AGBL1: variants seen among roughly 807,000 people sequenced by gnomAD.
The protein encoded by AGBL1 is AGBL carboxypeptidase 1, also known as cytosolic carboxypeptidase 4.
Under a neutral mutation model 118.9 loss-of-function variants are expected in AGBL1, and 130 were observed. That is an observed-to-expected ratio of 1.09 (90% CI 0.95 to 1.26). The LOEUF (loss-of-function observed/expected upper bound fraction) is 1.26. Among genes scored for constraint, AGBL1 ranks in the 50% most tolerant of loss-of-function variants. The probability of loss-of-function intolerance (pLI) is 0.00; values close to 1 mark genes in which losing one functional copy is unlikely to be tolerated. For missense variants in AGBL1, 1,584 were observed against 1,298.1 expected, an observed-to-expected ratio of 1.22 and a Z score of -3.38; for synonymous variants, 555 against 478.9, an observed-to-expected ratio of 1.16 and a Z score of -2.08.
At position 86,478,166 on chromosome 15, in the gene AGBL1, G is replaced by A. The variant is rs1486801579; in HGVS notation, c.2556-44644G>A. On this transcript the variant is annotated intron_variant, in intron 18 of 22. Transcript: ENST00000614907. The stretch of plus-strand genomic sequence containing the variant: ...AACTGGAAGCATTCCCTTTGAAAAC[G>A]GGCACAAGACAGAGATGCCCTCTCT... Among the ~76,000 whole-genome samples, 5 of 151,930 alleles carry A rather than the reference G, an allele frequency of 3.3e-5. No homozygotes were observed. The East Asian group carries it at 5.8e-4, about 18-fold the overall frequency.
chr15:86,897,764 C>CTTTTTTTTTTTTTTTT (rs71460231), intron 22 of AGBL1, among the ~76,000 whole-genome samples: 22 of 80,656 alleles, frequency 2.7e-4, no homozygotes, highest in Non-Finnish European at 3.8e-4. Context: ...CATCTTTTAT[C>CTTTTTTTTTTTTTTTT]TTTTTTTTTT....
chr15:86,416,857 TA>T (rs1210759400), intron 18 of AGBL1, among the ~76,000 whole-genome samples: 1 of 152,218 alleles, frequency 6.6e-6, no homozygotes, highest in Non-Finnish European at 1.5e-5. Flanking sequence ...CGATGCTATG[TA>T]AAAAGTTTAC....
At chr15:86,586,860 G>A (rs917017379) in intron 21 of AGBL1, among the ~76,000 whole-genome samples, 3 of 151,980 alleles carry the variant, frequency 2.0e-5, no homozygotes, top group African/African-American at 7.3e-5. Context: ...TTAAGTTAAG[G>A]GGGGGTCTGT....
At chr15:86,361,342 T>G (rs117488884) in intron 17 of AGBL1, among the ~76,000 whole-genome samples, 6 of 152,086 alleles carry the variant, frequency 3.9e-5, no homozygotes, top group Non-Finnish European at 7.4e-5. Flanking sequence ...TTGAATTTGT[T>G]AAGAATTGTT....
At chr15:86,984,363 CTT>C (rs869123922) in intron 23 of AGBL1, among the ~76,000 whole-genome samples, 20 of 23,334 alleles carry the variant, frequency 8.6e-4, no homozygotes, top group African/African-American at 1.6e-3. Flanking sequence ...TTTTTTCTCT[CTT>C]TTTTTTTTTT....
At chr15:86,577,693 C>T (rs925973628) in intron 21 of AGBL1, among the ~76,000 whole-genome samples, 25 of 152,104 alleles carry the variant, frequency 1.6e-4, no homozygotes, top group African/African-American at 3.9e-4. Flanking sequence ...TAGCTATGGA[C>T]GTGGTGCCCT....
At chr15:86,548,994 A>G (rs2083627439) in intron 20 of AGBL1, among the ~76,000 whole-genome samples, 1 of 151,934 alleles carries the variant, frequency 6.6e-6, no homozygotes, top group African/African-American at 2.4e-5. Flanking sequence ...GGTGTCACAC[A>G]CTTTTAAACT....
At chr15:86,255,741 C>T (rs1227185110) in intron 7 of AGBL1, among the ~76,000 whole-genome samples, 1 of 152,032 alleles carries the variant, frequency 6.6e-6, no homozygotes, top group Non-Finnish European at 1.5e-5. Flanking sequence ...GAGATCGTGC[C>T]ACTGCACTCT....
intron 5 of AGBL1, among the ~76,000 whole-genome samples, chr15:86,178,504 TTGAGAGACATAACTATCAAAGC>T (rs1382435294): frequency 1.3e-5 from 2 of 152,322 alleles, no homozygotes; most frequent in East Asian, 3.9e-4. Flanking sequence ...GAAAAATTTC[TTGAGAGACATAACTATCAAAGC>T]TCACCCAAGA....
intron 22 of AGBL1, among the ~76,000 whole-genome samples, chr15:86,845,332 A>G (rs2079303200): frequency 6.6e-6 from 1 of 152,044 alleles, no homozygotes; most frequent in Non-Finnish European, 1.5e-5. Context: ...GATTGAGATG[A>G]CTGTACTCTC....
At chr15:86,567,125 G>A (rs1386060924) in intron 21 of AGBL1, among the ~76,000 whole-genome samples, 1 of 152,142 alleles carries the variant, frequency 6.6e-6, no homozygotes, top group Non-Finnish European at 1.5e-5. Flanking sequence ...TTTAGATAAA[G>A]ACACTTAGGC....
At chr15:86,269,664 A>G (rs554089718) in intron 13 of AGBL1, among the ~76,000 whole-genome samples, 1 of 152,330 alleles carries the variant, frequency 6.6e-6, no homozygotes, top group South Asian at 2.1e-4. Flanking sequence ...TATCCATAAT[A>G]GTTTAAAAAA....
intron 5 of AGBL1, among the ~76,000 whole-genome samples, chr15:86,197,838 C>T (rs549839929): frequency 1.1e-4 from 16 of 151,854 alleles, no homozygotes; most frequent in Admixed American, 3.3e-4. Flanking sequence ...CTGTCAGATT[C>T]TTGGATGCTT....
At position 86,939,718 on chromosome 15, in the gene AGBL1, C is replaced by T. The variant is rs528616534; in HGVS notation, c.3222-48269C>T. 3 of 152,302 alleles carry T rather than the reference C, an allele frequency of 2.0e-5. No individual in the cohort carries two copies. The East Asian group carries it at 5.8e-4, about 29-fold the overall frequency. 9.4% of individuals were successfully genotyped at this position (152,302 alleles called of 1,614,324 possible). ...GCCAACTTATGTGAGTTTGGGTAAG[C>T]ATTTATCCTCTCCATCAGTACCACT... On this transcript the variant is annotated intron_variant, in intron 23 of 24. Transcript: ENST00000441037.
chr15:86,278,314 T>C (rs186326597), intron 15 of AGBL1, among the ~76,000 whole-genome samples: 5 of 152,258 alleles, frequency 3.3e-5, no homozygotes, highest in East Asian at 1.9e-4. Context: ...TGTTACAGGG[T>C]ACCCTCCTTT....
intron 18 of AGBL1, among the ~76,000 whole-genome samples, chr15:86,503,894 T>C (rs1320572049): frequency 6.6e-6 from 1 of 151,620 alleles, no homozygotes; most frequent in East Asian, 1.9e-4. Flanking sequence ...AAATGTGCTT[T>C]CTGTTTTTGT....
chr15:86,370,334 T>C (rs1255841078), intron 17 of AGBL1, among the ~76,000 whole-genome samples: 2 of 137,178 alleles, frequency 1.5e-5, no homozygotes, highest in African/African-American at 2.7e-5. Context: ...AGACAGAATC[T>C]CACTCTGTCA....
intron 18 of AGBL1, among the ~76,000 whole-genome samples, chr15:86,486,002 A>G (rs2082707874): frequency 6.6e-6 from 1 of 152,124 alleles, no homozygotes; most frequent in African/African-American, 2.4e-5. Context: ...GAGCATTGGC[A>G]TCACCTGTAT....
At chr15:86,139,629 A>G (rs72750281) in intron 1 of AGBL1, among the ~76,000 whole-genome samples, 20,158 of 152,164 alleles carry the variant, frequency 0.13, 1,497 homozygotes, top group Middle Eastern at 0.22. Context: ...GTAAGTGTCT[A>G]GGGATCCCAT....
Sources: allele counts gnomAD v4.1 joint callset (sites outside exome capture counted in the v4.1 genomes callset), GRCh38; gene constraint gnomAD v4.1.1; transcripts MANE v1.5; gene names NCBI Gene and HGNC (gene_info 2026-07-23, HGNC 2026-07-21).